Variants in FGF9 observed in about 807,000 individuals in gnomAD.
FGF9 encodes fibroblast growth factor 9 (glia-activating factor).
In FGF9, 3 loss-of-function variants were observed where a neutral mutation model predicts 19.9. The ratio of observed to expected loss-of-function variants is 0.15; its 90% CI spans 0.07 to 0.39. FGF9 has a LOEUF of 0.39. Ranked by LOEUF, FGF9 falls within the 10% of genes least tolerant of loss-of-function variation. FGF9 has a pLI of 1.00. For missense variants in FGF9, 175 were observed against 256.8 expected, an observed-to-expected ratio of 0.68 and a Z score of 2.18; for synonymous variants, 107 against 106.9, an observed-to-expected ratio of 1.00 and a Z score of -0.01.
At chr13:21,683,060 C>T (rs1565950175) in intron 2 of FGF9, among the ~76,000 whole-genome samples, 2 of 151,958 alleles carry the variant, frequency 1.3e-5, no homozygotes, top group African/African-American at 2.4e-5. Flanking sequence ...TAAATAGGGC[C>T]CTACTATTTG....
rs1393243905 is a variant in FGF9, at chr13:21,672,520, A to T, written c.277+331A>T. On this transcript the variant is annotated intron_variant, in intron 1 of 2. Transcript: ENST00000382353. This position sits in a 1 kb window ranked among gnomAD's most constrained non-coding sequence, Gnocchi z 4.2. ...TAGGAAGTTTCTTTTGAATGGACTG[A>T]TTGCACGAGTTTAAAGCTTTAATCA... Among the ~76,000 whole-genome samples the T allele has an allele frequency of 6.6e-6, 1 of 152,242 alleles. No homozygotes were observed. The highest frequency in any genetic ancestry group is 1.5e-5 in the Non-Finnish European group (1 of 68,038).
intron 2 of FGF9, among the ~76,000 whole-genome samples, chr13:21,692,728 C>T (rs142569031): frequency 9.3e-4 from 141 of 152,300 alleles, no homozygotes; most frequent in African/African-American, 3.3e-3. Flanking sequence ...ACACGAGAGA[C>T]GCACTGACAC....
At chr13:21,682,067 G>C (rs1349272635) in intron 2 of FGF9, among the ~76,000 whole-genome samples, 1 of 150,284 alleles carries the variant, frequency 6.7e-6, no homozygotes, top group Non-Finnish European at 1.5e-5. Flanking sequence ...AGAGTGCAGT[G>C]GTGTAATCAT....
In FGF9 at chr13:21,672,398, G is replaced by A. The variant is rs1328535871; in HGVS notation, c.277+209G>A. On this transcript the variant is annotated intron_variant, in intron 1 of 2. Coordinates refer to ENST00000382353, the MANE Select transcript of FGF9 (RefSeq NM_002010.3). The surrounding 1 kb of genome is among the most constrained non-coding windows in gnomAD (Gnocchi z 4.2). Reference sequence around the variant, plus strand: ...AGATCTGCTGCTGGCACTGATGCAAGTATACACTGAAAGGCCCCCTACTTT... The same window carrying A: ...AGATCTGCTGCTGGCACTGATGCAAATATACACTGAAAGGCCCCCTACTTT... Among the ~76,000 whole-genome samples the A allele has an allele frequency of 6.6e-6, 1 of 152,118 alleles. No homozygotes were observed. The highest frequency in any genetic ancestry group is 1.9e-4 in the East Asian group (1 of 5,188).
In FGF9 at chr13:21,691,046, A is replaced by G. The variant is rs1382364236; in HGVS notation, c.381+9901A>G. ...GTTACGTATCTGTTGGCTGACAAAA[A>G]TCTTATGACCAGAGGCTCACAGGAA... On this transcript the variant is annotated intron_variant, in intron 2 of 2. Coordinates refer to ENST00000382353, the MANE Select transcript of FGF9 (RefSeq NM_002010.3). This position sits in a 1 kb window ranked among gnomAD's most constrained non-coding sequence, Gnocchi z 4.2. 2.0e-5 allele frequency among the ~76,000 whole-genome samples: 3 copies of G among 152,326 alleles called. No individual in the cohort carries two copies. In the East Asian group the frequency reaches 5.8e-4, roughly 29 times the overall value.
Position 21,701,443 on chromosome 13 carries a change from A to C in FGF9, c.*8A>C, listed in dbSNP as rs1183166285. 5.0e-6 allele frequency: 8 copies of C among 1,613,924 alleles called. No homozygotes were observed. In the South Asian group the frequency reaches 7.7e-5, roughly 16 times the overall value. On this transcript the variant is annotated 3_prime_UTR_variant, in exon 3 of 3. Coordinates refer to ENST00000382353, the MANE Select transcript of FGF9 (RefSeq NM_002010.3). ...ATTCTAAGCCAAAGTTGACAAAGAC[A>C]GTTTCTTCACTTGAGCCCTTAAAAA...
At chr13:21,688,876 T>G (rs1420133697) in intron 2 of FGF9, among the ~76,000 whole-genome samples, 1 of 152,204 alleles carries the variant, frequency 6.6e-6, no homozygotes, top group East Asian at 1.9e-4. Context: ...CTATTTGATT[T>G]TAGTTACAGT....
In FGF9 at chr13:21,672,270, G is replaced by C. The variant is rs1871786808; in HGVS notation, c.277+81G>C. 3 of 1,506,666 alleles carry C rather than the reference G, an allele frequency of 2.0e-6. No individual in the cohort carries two copies. Among genetic ancestry groups the C allele is most frequent in the Non-Finnish European group, 2.8e-6 (3 of 1,085,750 alleles). 93.3% of individuals were successfully genotyped at this position (1,506,666 alleles called of 1,614,324 possible). On this transcript the variant is annotated intron_variant, in intron 1 of 2. Transcript: ENST00000382353. This position sits in a 1 kb window ranked among gnomAD's most constrained non-coding sequence, Gnocchi z 4.2. ...TACCAAGAAGGTGGTGGCCGGGTGG[G>C]GGACGTGGGAAGGGTTCTCCCCTCC...
At position 21,703,167 on chromosome 13, in the gene FGF9, G is replaced by A. The variant is rs1026256527; in HGVS notation, c.*1732G>A. 2.0e-4 allele frequency: 30 copies of A among 152,218 alleles called. No individual in the cohort carries two copies. Among genetic ancestry groups the A allele is most frequent in the Non-Finnish European group, 1.5e-5 (1 of 68,024 alleles). 9.4% of individuals were successfully genotyped at this position (152,218 alleles called of 1,614,324 possible). A position where few individuals can be genotyped will look rare whatever the true frequency, so the allele number is the denominator to read the frequency against. ...TTTCTAGCCAGTTGTGTTGAGAAGTGCAAAGTGACGGTTTAAACATGTGTT... is the reference window on the plus strand; with the variant it reads ...TTTCTAGCCAGTTGTGTTGAGAAGTACAAAGTGACGGTTTAAACATGTGTT... On this transcript the variant is annotated 3_prime_UTR_variant, in exon 3 of 3. Coordinates refer to ENST00000382353, the MANE Select transcript of FGF9 (RefSeq NM_002010.3).
intron 1 of FGF9, chr13:21,673,961 TCAGTGCTGCGGGGACCA>T (rs1593089297): frequency 6.6e-6 from 1 of 152,404 alleles, no homozygotes; most frequent in East Asian, 1.9e-4. Flanking sequence ...GGTGCGCCCT[TCAGTGCTGCGGGGACCA>T]CGGGGGCCGG....
chr13:21,698,925 A>G (rs1327724724), intron 2 of FGF9, among the ~76,000 whole-genome samples: 1 of 152,214 alleles, frequency 6.6e-6, no homozygotes, highest in Non-Finnish European at 1.5e-5. Flanking sequence ...TAGAAATTTC[A>G]CTTAATTACA....
At position 21,671,676 on chromosome 13, in the gene FGF9, T is replaced by C. The variant is rs1354816865; in HGVS notation, c.-237T>C. On this transcript the variant is annotated 5_prime_UTR_variant, in exon 1 of 3. Coordinates refer to ENST00000382353, the MANE Select transcript of FGF9 (RefSeq NM_002010.3). ...AGATATGTTTATCAATATGTCAGTG[T>C]GTGAGTATAAAGTGGTGGTTTCTTA... 3.3e-6 allele frequency: 2 copies of C among 609,986 alleles called. No individual in the cohort carries two copies. Among genetic ancestry groups the C allele is most frequent in the South Asian group, 4.0e-5 (2 of 50,616 alleles). The allele number at this position is 609,986 out of a possible 1,614,324, so 37.8% of individuals were successfully genotyped here. A position where few individuals can be genotyped will look rare whatever the true frequency, so the allele number is the denominator to read the frequency against.
intron 2 of FGF9, among the ~76,000 whole-genome samples, chr13:21,695,528 G>C (rs17840900): frequency 0.027 from 4,139 of 152,272 alleles, 75 homozygotes; most frequent in South Asian, 0.051. Flanking sequence ...TGCCTCGTCT[G>C]TCTGTGTTTG....
chr13:21,698,617 C>A (rs1872470261), intron 2 of FGF9, among the ~76,000 whole-genome samples: 1 of 152,182 alleles, frequency 6.6e-6, no homozygotes. Flanking sequence ...TCATTATCTT[C>A]TGCTGGGACT....
intron 1 of FGF9, among the ~76,000 whole-genome samples, chr13:21,673,380 C>T (rs973714001): frequency 6.6e-6 from 1 of 152,068 alleles, no homozygotes; most frequent in Non-Finnish European, 1.5e-5. Flanking sequence ...TAGGCCTGGG[C>T]TGGGGATGGT....
chr13:21,703,545 A>G lies in FGF9; in HGVS notation c.*2110A>G, dbSNP rs779367585. On this transcript the variant is annotated 3_prime_UTR_variant, in exon 3 of 3. Coordinates refer to ENST00000382353, the MANE Select transcript of FGF9 (RefSeq NM_002010.3). ...TCCTTTCTAAACAGAAACTGCATTT[A>G]ATTCCAAAAAGTAGTATTCTTATTT... 10 of 152,232 alleles carry G rather than the reference A, an allele frequency of 6.6e-5. No homozygotes were observed. Among genetic ancestry groups the G allele is most frequent in the Non-Finnish European group, 1.5e-4 (10 of 68,036 alleles). 9.4% of individuals were successfully genotyped at this position (152,232 alleles called of 1,614,324 possible).
chr13:21,683,900 C>A (rs551035992), intron 2 of FGF9, among the ~76,000 whole-genome samples: 1 of 152,364 alleles, frequency 6.6e-6, no homozygotes, highest in South Asian at 2.1e-4. Context: ...AAGGATACAG[C>A]CCACGTTCTT....
At chr13:21,700,209 T>C (rs764864804) in intron 2 of FGF9, among the ~76,000 whole-genome samples, 1 of 152,148 alleles carries the variant, frequency 6.6e-6, no homozygotes, top group Non-Finnish European at 1.5e-5. Context: ...ACGTTTCTTC[T>C]TGGTATCTGT....
intron 2 of FGF9, among the ~76,000 whole-genome samples, chr13:21,686,772 C>G (rs775336974): frequency 6.6e-6 from 1 of 152,196 alleles, no homozygotes. Context: ...GTCATGAACA[C>G]GCACATGCAG....
Sources: allele counts gnomAD v4.1 joint callset (sites outside exome capture counted in the v4.1 genomes callset), GRCh38; gene constraint gnomAD v4.1.1; non-coding constraint Gnocchi (gnomAD v3.1); transcripts MANE v1.5; gene names NCBI Gene and HGNC (gene_info 2026-07-23, HGNC 2026-07-21).